Variants in HMGB1 observed in about 807,000 individuals in gnomAD.
HMGB1 encodes high mobility group protein B1.
For synonymous variants in HMGB1, 81 were observed against 84.0 expected, an observed-to-expected ratio of 0.96 and a Z score of 0.19; for missense variants, 79 against 253.5, an observed-to-expected ratio of 0.31 and a Z score of 4.67.
chr13:30,465,774 C>G, intron 1 of HMGB1, 22 bp downstream of exon 1: 1 of 985,166 alleles, frequency 1.0e-6, no homozygotes, highest in Non-Finnish European at 1.2e-6. Context: ...CTCTCCCCGC[C>G]GCGGCGCTGC....
upstream of HMGB1, among the ~76,000 whole-genome samples, chr13:30,469,041 G>A (rs1886863370): frequency 6.6e-6 from 1 of 152,032 alleles, no homozygotes; most frequent in Non-Finnish European, 1.5e-5. Flanking sequence ...CTACAGGCAT[G>A]CACCACCATG....
intron 1 of HMGB1, among the ~76,000 whole-genome samples, chr13:30,527,867 C>G (rs1025012975): frequency 5.9e-5 from 9 of 152,234 alleles, no homozygotes; most frequent in African/African-American, 2.2e-4. Flanking sequence ...GCTCTTCCCC[C>G]CATAGTAGAA....
intron 1 of HMGB1, among the ~76,000 whole-genome samples, chr13:30,527,651 G>A (rs1888398462): frequency 6.6e-6 from 1 of 151,988 alleles, no homozygotes; most frequent in African/African-American, 2.4e-5. Flanking sequence ...AGAGGAGATG[G>A]GCAAGCTCAC....
chr13:30,503,227 C>A (rs899987336), intron 1 of HMGB1, among the ~76,000 whole-genome samples: 1 of 151,960 alleles, frequency 6.6e-6, no homozygotes, highest in East Asian at 1.9e-4. Flanking sequence ...GCCTGTAGTG[C>A]CAGCTACTCA....
intron 1 of HMGB1, among the ~76,000 whole-genome samples, chr13:30,612,272 G>C (rs1950519852): frequency 6.6e-6 from 1 of 151,474 alleles, no homozygotes; most frequent in South Asian, 2.1e-4. Flanking sequence ...AAAACAAACA[G>C]GTGGTGAGAA....
chr13:30,514,478 C>T (rs866434462), intron 1 of HMGB1, among the ~76,000 whole-genome samples: 9 of 150,112 alleles, frequency 6.0e-5, no homozygotes, highest in East Asian at 2.0e-4. Flanking sequence ...CATGTGCCAC[C>T]GTACCTGGCA....
rs959936235 is a variant in HMGB1 at position 30,458,392 on chromosome 13, C to G, written c.*2965G>C. 6.8e-6 allele frequency: 1 copy of G among 147,086 alleles called. No individual in the cohort carries two copies. Among genetic ancestry groups the G allele is most frequent in the Non-Finnish European group, 1.5e-5 (1 of 67,572 alleles). The allele number at this position is 147,086 out of a possible 1,614,324, so 9.1% of individuals were successfully genotyped here. A position where few individuals can be genotyped will look rare whatever the true frequency, so the allele number is the denominator to read the frequency against. On this transcript the variant is annotated 3_prime_UTR_variant, in exon 5 of 5. Coordinates refer to ENST00000341423, the MANE Select transcript of HMGB1 (RefSeq NM_002128.7). ...TCACCCAGGCTGGAGTGCAGTGGCACAATCTCGGCTCACTGCAACCTCCGC... is the reference window on the plus strand; with the variant it reads ...TCACCCAGGCTGGAGTGCAGTGGCAGAATCTCGGCTCACTGCAACCTCCGC...
At chr13:30,605,055 G>A (rs1950442892) in intron 1 of HMGB1, among the ~76,000 whole-genome samples, 1 of 152,362 alleles carries the variant, frequency 6.6e-6, no homozygotes, top group Admixed American at 6.5e-5. Context: ...TACTGCCTGA[G>A]CAATGAGAAG....
At chr13:30,483,715 G>A (rs1286357321) in intron 1 of HMGB1, among the ~76,000 whole-genome samples, 1 of 149,874 alleles carries the variant, frequency 6.7e-6, no homozygotes, top group East Asian at 2.0e-4. Context: ...CTGGACTCAA[G>A]CGATCCTCCC....
At chr13:30,504,022 A>AT (rs56320755) in intron 1 of HMGB1, among the ~76,000 whole-genome samples, 124,686 of 148,708 alleles carry the variant, frequency 0.84, 56,138 homozygotes, top group East Asian at 1. Flanking sequence ...AAAAATCACC[A>AT]TTTTTTTTTT....
chr13:30,487,221 A>T (rs1345467584), intron 1 of HMGB1, among the ~76,000 whole-genome samples: 2 of 152,180 alleles, frequency 1.3e-5, no homozygotes, highest in Non-Finnish European at 2.9e-5. Context: ...TACAACATCT[A>T]CACAGTAACC....
intron 1 of HMGB1, among the ~76,000 whole-genome samples, chr13:30,585,457 G>A (rs536033679): frequency 5.7e-4 from 86 of 152,186 alleles, no homozygotes; most frequent in Non-Finnish European, 1.0e-3. Flanking sequence ...GGAGGCCAAG[G>A]TGGGCAGATC....
rs892710934 is a variant in HMGB1 at position 30,521,802 on chromosome 13, C to T, written c.-14-58108G>A. Among the ~76,000 whole-genome samples, 51 of 152,174 alleles carry T rather than the reference C, an allele frequency of 3.4e-4. 1 individual carries two copies. The highest frequency in any genetic ancestry group is 1.0e-4 in the Non-Finnish European group (7 of 68,038). On this transcript the variant is annotated intron_variant, in intron 1 of 4. Coordinates refer to the HMGB1 transcript ENST00000405805. Reference sequence around the variant, plus strand: ...TTTGAAGAACAGCCACCTTGTATTCCAAAGCAGAGGAACCATTTTACAATC... The same window carrying T: ...TTTGAAGAACAGCCACCTTGTATTCTAAAGCAGAGGAACCATTTTACAATC...
At chr13:30,605,041 G>A (rs1156425254) in intron 1 of HMGB1, among the ~76,000 whole-genome samples, 1 of 152,184 alleles carries the variant, frequency 6.6e-6, no homozygotes, top group Non-Finnish European at 1.5e-5. Flanking sequence ...CAGACACCAG[G>A]GTTTACTGCC....
intron 1 of HMGB1, among the ~76,000 whole-genome samples, chr13:30,594,150 G>C (rs1871497696): frequency 6.6e-6 from 1 of 152,174 alleles, no homozygotes; most frequent in Admixed American, 6.5e-5. Context: ...AAGAGAGCAA[G>C]GCACACATGT....
chr13:30,493,929 C>A (rs577642396), intron 1 of HMGB1, among the ~76,000 whole-genome samples: 3 of 149,604 alleles, frequency 2.0e-5, no homozygotes, highest in Non-Finnish European at 4.4e-5. Context: ...GATTGGGCAA[C>A]GTAGTGAAAT....
chr13:30,511,700 T>A (rs1184315084), intron 1 of HMGB1, among the ~76,000 whole-genome samples: 1 of 152,194 alleles, frequency 6.6e-6, no homozygotes, highest in African/African-American at 2.4e-5. Context: ...GCCTTGCATG[T>A]CCCATCTATC....
At chr13:30,614,352 G>C (rs1329079421) in intron 1 of HMGB1, among the ~76,000 whole-genome samples, 1 of 152,176 alleles carries the variant, frequency 6.6e-6, no homozygotes, top group Admixed American at 6.5e-5. Context: ...GTACTTCTAA[G>C]AGCAAATACC....
rs1292476062 is a variant in HMGB1, at chr13:30,573,819, T to C, written c.-15+42852A>G. On this transcript the variant is annotated intron_variant, in intron 1 of 4. Coordinates refer to the HMGB1 transcript ENST00000405805. ...GCATGCGCCAACACGTCCAGCTAAT[T>C]TTTTTGGTATTTTTTGCAGAGACGA... Among the ~76,000 whole-genome samples the C allele has an allele frequency of 2.0e-5, 3 of 152,030 alleles. No homozygotes were observed. In the South Asian group the frequency reaches 6.2e-4, roughly 32 times the overall value.
Sources: gnomAD v4.1 joint callset for allele counts (sites outside exome capture counted in the v4.1 genomes callset) on GRCh38, gnomAD v4.1.1 for gene constraint, MANE v1.5 for transcripts, NCBI Gene and HGNC (gene_info 2026-07-23, HGNC 2026-07-21) for gene names.